The following KCND2 variants were observed in gnomAD, a reference collection of about 807,000 sequenced individuals.
KCND2 encodes potassium voltage-gated channel subfamily D member 2, also known as A-type voltage-gated potassium channel KCND2.
Under a neutral mutation model 54.4 loss-of-function variants are expected in KCND2, and 16 were observed. The ratio of observed to expected loss-of-function variants is 0.29; its 90% CI spans 0.20 to 0.45. The LOEUF is 0.45. Among genes scored for constraint, KCND2 ranks in the 20% least tolerant of loss-of-function variants. The pLI is 1.00. For synonymous variants in KCND2, 317 were observed against 310.7 expected, an observed-to-expected ratio of 1.02 and a Z score of -0.21; for missense variants, 486 against 824.2, an observed-to-expected ratio of 0.59 and a Z score of 5.02.
chr7:120,572,994 A>G (rs1792384757), intron 1 of KCND2, among the ~76,000 whole-genome samples: 1 of 152,232 alleles, frequency 6.6e-6, no homozygotes, highest in African/African-American at 2.4e-5. Context: ...CATGTTTAAC[A>G]TAAAACACTC....
intron 1 of KCND2, among the ~76,000 whole-genome samples, chr7:120,383,037 A>C (rs1458155530): frequency 6.6e-6 from 1 of 151,958 alleles, no homozygotes; most frequent in African/African-American, 2.4e-5. Context: ...TGCAGTTCTC[A>C]CCAATGACTC....
intron 1 of KCND2, among the ~76,000 whole-genome samples, chr7:120,604,695 T>C: frequency 6.6e-6 from 1 of 152,060 alleles, no homozygotes; most frequent in Non-Finnish European, 1.5e-5. Context: ...TTTTTATTTA[T>C]CTAATTATGC....
intron 1 of KCND2, among the ~76,000 whole-genome samples, chr7:120,514,688 A>G (rs1053070447): frequency 1.3e-5 from 2 of 151,980 alleles, no homozygotes; most frequent in African/African-American, 2.4e-5. Flanking sequence ...ATGGAAGACA[A>G]TTTTTCCATG....
intron 1 of KCND2, among the ~76,000 whole-genome samples, chr7:120,547,094 T>C (rs1341606149): frequency 6.6e-6 from 1 of 151,962 alleles, no homozygotes; most frequent in Non-Finnish European, 1.5e-5. Context: ...AACAATTAAC[T>C]AAAAATAAAG....
chr7:120,536,929 G>C (rs1230566252), intron 1 of KCND2, among the ~76,000 whole-genome samples: 2 of 151,862 alleles, frequency 1.3e-5, no homozygotes, highest in Non-Finnish European at 2.9e-5. Context: ...ATTTTTTCCA[G>C]ATCAACTTCT....
chr7:120,678,752 A>G (rs1320961900), intron 1 of KCND2, among the ~76,000 whole-genome samples: 4 of 85,928 alleles, frequency 4.7e-5, no homozygotes, highest in African/African-American at 8.9e-5. Flanking sequence ...ATATATATAT[A>G]TATATATATA....
At chr7:120,545,878 G>T (rs920043745) in intron 1 of KCND2, among the ~76,000 whole-genome samples, 6 of 149,622 alleles carry the variant, frequency 4.0e-5, no homozygotes, top group Non-Finnish European at 5.9e-5. Flanking sequence ...AAAAAAAAAA[G>T]AAGAAGAGGA....
At chr7:120,282,824 A>G (rs1799286045) in intron 1 of KCND2, among the ~76,000 whole-genome samples, 1 of 152,180 alleles carries the variant, frequency 6.6e-6, no homozygotes, top group South Asian at 2.1e-4. Flanking sequence ...TGTGGCTCAC[A>G]GAGTTCAATT....
chr7:120,405,758 T>A (rs1397024173), intron 1 of KCND2, among the ~76,000 whole-genome samples: 1 of 152,116 alleles, frequency 6.6e-6, no homozygotes, highest in African/African-American at 2.4e-5. Flanking sequence ...ATCATAGGAC[T>A]AATTTGTCTT....
At chr7:120,449,576 A>AT (rs1490325448) in intron 1 of KCND2, among the ~76,000 whole-genome samples, 1 of 152,234 alleles carries the variant, frequency 6.6e-6, no homozygotes, top group Non-Finnish European at 1.5e-5. Context: ...ATACATCTTC[A>AT]TTTAAAGCTA....
intron 1 of KCND2, among the ~76,000 whole-genome samples, chr7:120,380,662 T>C (rs920830079): frequency 2.0e-5 from 3 of 152,084 alleles, no homozygotes; most frequent in African/African-American, 7.2e-5. Flanking sequence ...ACTAATGTTA[T>C]GACATTACAT....
At chr7:120,596,470 T>A (rs1031520592) in intron 1 of KCND2, among the ~76,000 whole-genome samples, 10 of 152,320 alleles carry the variant, frequency 6.6e-5, no homozygotes, top group Admixed American at 6.5e-4. Flanking sequence ...ATTGTGTGTG[T>A]TGTAGAGCTT....
At position 120,423,115 on chromosome 7, in the gene KCND2, G is replaced by T. The variant is rs919582391; in HGVS notation, c.1115+147368G>T. Among the ~76,000 whole-genome samples the T allele has an allele frequency of 1.8e-4, 27 of 152,130 alleles. 1 individual carries two copies. The highest frequency in any genetic ancestry group is 6.5e-5 in the Admixed American group (1 of 15,274). On this transcript the variant is annotated intron_variant, in intron 1 of 5. Transcript: ENST00000331113. ...CAACAGGGCTTTCCCAGACTTATTT[G>T]TTCAGTTTTCACTACCTTATTGTTT...
At chr7:120,377,229 A>T (rs189809647) in intron 1 of KCND2, among the ~76,000 whole-genome samples, 1 of 152,080 alleles carries the variant, frequency 6.6e-6, no homozygotes, top group African/African-American at 2.4e-5. Flanking sequence ...GATCAGAGAA[A>T]TATAGGATAT....
intron 1 of KCND2, among the ~76,000 whole-genome samples, chr7:120,712,409 G>A (rs1281790220): frequency 6.6e-6 from 1 of 150,436 alleles, no homozygotes; most frequent in African/African-American, 2.4e-5. Flanking sequence ...GATTATAGGT[G>A]CCCGCTACCA....
chr7:120,530,896 A>G (rs915843853), intron 1 of KCND2, among the ~76,000 whole-genome samples: 3 of 151,972 alleles, frequency 2.0e-5, no homozygotes, highest in African/African-American at 7.2e-5. Flanking sequence ...GCCCTTTTAC[A>G]TCGCTCAGGT....
intron 1 of KCND2, among the ~76,000 whole-genome samples, chr7:120,615,869 A>G (rs112106006): frequency 6.6e-6 from 1 of 152,182 alleles, no homozygotes; most frequent in Non-Finnish European, 1.5e-5. Context: ...GGGTCAAACC[A>G]CATGAACTCT....
intron 1 of KCND2, among the ~76,000 whole-genome samples, chr7:120,340,889 GA>G (rs1800230114): frequency 6.6e-6 from 1 of 152,176 alleles, no homozygotes; most frequent in South Asian, 2.1e-4. Context: ...TTATGTTTCA[GA>G]TTGGAGAAGA....
At chr7:120,343,188 C>T (rs1016197855) in intron 1 of KCND2, among the ~76,000 whole-genome samples, 3 of 152,070 alleles carry the variant, frequency 2.0e-5, no homozygotes, top group African/African-American at 4.8e-5. Flanking sequence ...CTTTGTGGGC[C>T]ATCCAGATGC....
Sources: gnomAD v4.1 joint callset for allele counts (sites outside exome capture counted in the v4.1 genomes callset) on GRCh38, gnomAD v4.1.1 for gene constraint, MANE v1.5 for transcripts, NCBI Gene and HGNC (gene_info 2026-07-23, HGNC 2026-07-21) for gene names.